Variants in TFDP1 observed in about 807,000 individuals in gnomAD.
TFDP1 encodes the protein DRTF1-polypeptide 1.
A neutral mutation model predicts 48.0 loss-of-function variants in TFDP1; 6 were observed. The observed-to-expected ratio is 0.13, with a 90% CI of 0.07 to 0.25. The LOEUF (loss-of-function observed/expected upper bound fraction) is 0.25, where lower values mean the gene tolerates loss of function less well. TFDP1 is among the 10% of genes least tolerant of loss of function. The pLI is 1.00. For missense variants in TFDP1, 335 were observed against 543.0 expected (o/e 0.62, Z 3.81); for synonymous variants, 201 against 211.6 (o/e 0.95, Z 0.44).
At chr13:113,631,889 C>G in intron 5 of TFDP1, 145 bp downstream of exon 5, 3 of 1,196,522 alleles carry the variant, frequency 2.5e-6, no homozygotes, top group South Asian at 1.5e-5. Context: ...ACTCACCCAT[C>G]ATCGTGGCCT....
chr13:113,636,818 G>A, intron 10 of TFDP1, 118 bp downstream of exon 10: 3 of 1,247,446 alleles, frequency 2.4e-6, no homozygotes, highest in Non-Finnish European at 3.3e-6. Flanking sequence ...ACGTGTGTAG[G>A]GCCAGGAGCA....
chr13:113,604,021 C>T (rs915549009), intron 2 of TFDP1, among the ~76,000 whole-genome samples: 2 of 151,922 alleles, frequency 1.3e-5, no homozygotes, highest in Admixed American at 6.6e-5. Flanking sequence ...AAAAATTAGC[C>T]AGGCATGGGG....
At chr13:113,600,037 C>CGTGAGAGAGAACCCAGGACT (rs2048373686) in intron 2 of TFDP1, among the ~76,000 whole-genome samples, 1 of 150,032 alleles carries the variant, frequency 6.7e-6, no homozygotes, top group Non-Finnish European at 1.5e-5. Context: ...GCTCCAGAAC[C>CGTGAGAGAGAACCCAGGACT]GTGAGAGAGA....
chr13:113,599,073 G>A (rs1409210122), intron 2 of TFDP1, among the ~76,000 whole-genome samples: 1 of 152,154 alleles, frequency 6.6e-6, no homozygotes, highest in Non-Finnish European at 1.5e-5. Context: ...TGCCCTAGAT[G>A]TGTGTGTTTA....
intron 2 of TFDP1, among the ~76,000 whole-genome samples, chr13:113,596,590 G>T (rs2048295059): frequency 6.6e-6 from 1 of 152,212 alleles, no homozygotes; most frequent in Non-Finnish European, 1.5e-5. Context: ...AGAACTGGAA[G>T]CCTGGTCTGT....
rs557763795 is a variant in TFDP1, at chr13:113,592,177, C to T, written c.12+6328C>T. On this transcript the variant is annotated intron_variant, in intron 2 of 11. Coordinates refer to ENST00000375370, the MANE Select transcript of TFDP1 (RefSeq NM_007111.5). Reference sequence around the variant, plus strand: ...TCCTGTTTGTTTGTTTGTTTCGAGACGGAGTTTCGTTCTTGTTGCCCAGGC... The same window carrying T: ...TCCTGTTTGTTTGTTTGTTTCGAGATGGAGTTTCGTTCTTGTTGCCCAGGC... Among the ~76,000 whole-genome samples the T allele has an allele frequency of 6.6e-5, 10 of 152,256 alleles. 1 individual carries two copies. Among genetic ancestry groups the T allele is most frequent in the African/African-American group, 2.4e-4 (10 of 41,562 alleles).
intron 4 of TFDP1, among the ~76,000 whole-genome samples, chr13:113,629,563 A>T (rs2049278865): frequency 6.6e-6 from 1 of 152,174 alleles, no homozygotes; most frequent in Non-Finnish European, 1.5e-5. Flanking sequence ...GTCTCCTGGG[A>T]TACCCACACT....
At chr13:113,590,761 A>C (rs2048119843) in intron 2 of TFDP1, among the ~76,000 whole-genome samples, 1 of 152,100 alleles carries the variant, frequency 6.6e-6, no homozygotes, top group South Asian at 2.1e-4. Flanking sequence ...CTGTAATCCC[A>C]GCACTTTGGG....
At chr13:113,595,564 C>T (rs751271544) in intron 2 of TFDP1, among the ~76,000 whole-genome samples, 1 of 152,166 alleles carries the variant, frequency 6.6e-6, no homozygotes, top group Admixed American at 6.5e-5. Flanking sequence ...CAGTAATTAC[C>T]CACTCCCCTG....
At position 113,640,225 on chromosome 13, in the gene TFDP1, C is replaced by T. The variant is rs140489086; in HGVS notation, c.1191C>T (p.Asp397=). ...CGGTGTCCTACGTCGGGGAGGACGA[C>T]GAGGAGGACGATGACTTCAACGAGA... The part of the protein sequence containing the change: ...ETPVSYVGED[D]EEDDDFNEND... Residue 397 remains aspartate (D), a synonymous_variant, in exon 12 of 12, where the codon GAC becomes GAT. Transcript: ENST00000375370. 4.1e-4 allele frequency: 661 copies of T among 1,613,362 alleles called. 2 individuals are homozygous for T. Among genetic ancestry groups the T allele is most frequent in the Middle Eastern group, 5.0e-4 (3 of 6,046 alleles).
At chr13:113,585,996 T>A (rs1356239768) in intron 2 of TFDP1, 147 bp downstream of exon 2, 1 of 913,076 alleles carries the variant, frequency 1.1e-6, no homozygotes, top group Non-Finnish European at 1.6e-6. Context: ...GGGATGAAGG[T>A]GAAAGATGGA....
intron 8 of TFDP1, among the ~76,000 whole-genome samples, chr13:113,635,268 G>T (rs1280598687): frequency 6.6e-6 from 1 of 152,220 alleles, no homozygotes; most frequent in Non-Finnish European, 1.5e-5. Context: ...GTGTGCTCGA[G>T]CCCTCCCAGA....
intron 2 of TFDP1, among the ~76,000 whole-genome samples, chr13:113,602,602 C>T (rs565809926): frequency 1.6e-4 from 25 of 152,248 alleles, no homozygotes; most frequent in Non-Finnish European, 3.2e-4. Context: ...AGCTGGGTCA[C>T]TTTCTTCTCA....
intron 2 of TFDP1, among the ~76,000 whole-genome samples, chr13:113,597,772 C>G (rs74427659): frequency 1.3e-5 from 2 of 152,214 alleles, no homozygotes; most frequent in African/African-American, 4.8e-5. Flanking sequence ...GCTGGAGGGA[C>G]GGCCATTGCC....
chr13:113,625,252 G>A (rs372463266), intron 4 of TFDP1, among the ~76,000 whole-genome samples: 1 of 119,636 alleles, frequency 8.4e-6, no homozygotes, highest in Admixed American at 8.2e-5. Flanking sequence ...TGTCTCTCAG[G>A]GTATCTCTCA....
intron 11 of TFDP1, among the ~76,000 whole-genome samples, chr13:113,638,968 G>C (rs899372809): frequency 6.6e-6 from 1 of 152,202 alleles, no homozygotes; most frequent in African/African-American, 2.4e-5. Flanking sequence ...GGGATGTGCT[G>C]TGGCCATGAG....
At chr13:113,614,135 GTGT>G (rs2140422960) in intron 3 of TFDP1, among the ~76,000 whole-genome samples, 1 of 151,518 alleles carries the variant, frequency 6.6e-6, no homozygotes, top group South Asian at 2.1e-4. Context: ...TGTGCATGGA[GTGT>G]TATGTGCGTG....
At chr13:113,617,312 G>T (rs2048882228) in intron 3 of TFDP1, among the ~76,000 whole-genome samples, 1 of 152,192 alleles carries the variant, frequency 6.6e-6, no homozygotes, top group South Asian at 2.1e-4. Context: ...CCTGGCTGTG[G>T]TCGCTTAGGC....
chr13:113,635,873 C>T, intron 8 of TFDP1, 104 bp from the exon 9 acceptor site: 1 of 1,365,372 alleles, frequency 7.3e-7, no homozygotes, highest in South Asian at 1.4e-5. Flanking sequence ...CAGGCCAACT[C>T]CTCGCTGTCA....
Sources: allele counts gnomAD v4.1 joint callset (sites outside exome capture counted in the v4.1 genomes callset), GRCh38; gene constraint gnomAD v4.1.1; transcripts MANE v1.5; gene names NCBI Gene and HGNC (gene_info 2026-07-23, HGNC 2026-07-21).